ATG4A: variants seen among roughly 807,000 people sequenced by gnomAD.
ATG4A encodes cysteine protease ATG4A.
In ATG4A, 22 loss-of-function variants were observed where a neutral mutation model predicts 38.4. The observed-to-expected ratio is 0.57, with a 90% confidence interval of 0.41 to 0.82. ATG4A has a LOEUF of 0.82. ATG4A is among the 40% of genes least tolerant of loss of function. The pLI, the probability that ATG4A is intolerant of heterozygous loss-of-function variation, is 0.00. For synonymous variants in ATG4A, 86 were observed against 100.7 expected (o/e 0.85, Z 0.88); for missense variants, 220 against 290.0 (o/e 0.76, Z 1.75).
At chrX:108,121,748 G>A (rs2032656436) in intron 1 of ATG4A, among the ~76,000 whole-genome samples, 2 of 111,834 alleles carry the variant, frequency 1.8e-5, no homozygotes, top group African/African-American at 6.5e-5. Context: ...TCTGTTAGTT[G>A]TTTCCAGACC....
rs187299572 is a variant in ATG4A at position 108,103,172 on chromosome X, C to G, written c.10+11336C>G. Among the ~76,000 whole-genome samples, 438 of 111,811 alleles carry G rather than the reference C, an allele frequency of 3.9e-3. 2 individuals are homozygous for G. Among genetic ancestry groups the G allele is most frequent in the African/African-American group, 0.013 (410 of 30,747 alleles). On this transcript the variant is annotated intron_variant, in intron 1 of 12. Coordinates refer to ENST00000372232, the MANE Select transcript of ATG4A (RefSeq NM_052936.5). ...CCCTGCAAAGGACATGATCTCTTTC[C>G]TTTTTATGGCTGCACAGTATTGCAT... is the stretch of plus-strand genomic sequence containing the variant.
intron 1 of ATG4A, among the ~76,000 whole-genome samples, chrX:108,100,977 CTTCT>C (rs1232711420): frequency 9.0e-6 from 1 of 110,936 alleles, no homozygotes; most frequent in Non-Finnish European, 1.9e-5. Flanking sequence ...AGTGTTAATT[CTTCT>C]TTAAGTATTT....
intron 9 of ATG4A, among the ~76,000 whole-genome samples, chrX:108,140,836 T>C (rs2033226148): frequency 1.0e-5 from 1 of 97,331 alleles, no homozygotes; most frequent in African/African-American, 3.7e-5. Context: ...TACATATACA[T>C]ACACAAAGTA....
At chrX:108,137,244 C>G in intron 7 of ATG4A, 74 bp downstream of exon 7, 2 of 916,566 alleles carry the variant, frequency 2.2e-6, no homozygotes, top group Non-Finnish European at 3.1e-6. Context: ...TATTCTGGGG[C>G]TCAAGAGAGT....
intron 1 of ATG4A, among the ~76,000 whole-genome samples, chrX:108,093,427 C>T (rs2031700903): frequency 8.9e-6 from 1 of 111,744 alleles, no homozygotes; most frequent in African/African-American, 3.3e-5. Flanking sequence ...AATAGTATTC[C>T]ATTTTATGGA....
At position 108,110,305 on chromosome X, in the gene ATG4A, G is replaced by A. The variant is rs759168548; in HGVS notation, c.11-15772G>A. On this transcript the variant is annotated intron_variant, in intron 1 of 12. Coordinates refer to ENST00000372232, the MANE Select transcript of ATG4A (RefSeq NM_052936.5). ...GGATCCCTTAAGCCCAGAAAGAGGA[G>A]GGTGCAGTGAACCGAGATTGTGCCA... is the stretch of plus-strand genomic sequence containing the variant. 1.0e-4 allele frequency among the ~76,000 whole-genome samples: 11 copies of A among 108,449 alleles called. No individual in the cohort carries two copies. The South Asian group carries it at 4.6e-3, about 45-fold the overall frequency. The allele number at this position is 108,449 out of a possible 115,157, so 94.2% of individuals were successfully genotyped here.
At chrX:108,102,591 G>A (rs754377331) in intron 1 of ATG4A, among the ~76,000 whole-genome samples, 2 of 111,341 alleles carry the variant, frequency 1.8e-5, no homozygotes, top group Admixed American at 9.6e-5. Flanking sequence ...TATACTTTTG[G>A]TGTCATATAC....
At chrX:108,145,426 A>G (rs1280328112) in intron 9 of ATG4A, among the ~76,000 whole-genome samples, 1 of 112,925 alleles carries the variant, frequency 8.9e-6, no homozygotes, top group Admixed American at 9.3e-5. Context: ...TTGCCAAGTC[A>G]ATAGCTGCAT....
chrX:108,134,471 A>T lies in ATG4A; in HGVS notation c.467+60A>T, dbSNP rs2033045726. The T allele has an allele frequency of 4.8e-6, 5 of 1,049,743 alleles. No individual in the cohort carries two copies. The South Asian group carries it at 1.0e-4, about 22-fold the overall frequency. 86.5% of individuals were successfully genotyped at this position (1,049,743 alleles called of 1,213,427 possible). ...CTGTCTCCTATGCTTCCCTCCCTAG[A>T]CAACTAAACCTCCCATCAACCGAGG... On this transcript the variant is annotated intron_variant, in intron 6 of 12. Coordinates refer to ENST00000372232, the MANE Select transcript of ATG4A (RefSeq NM_052936.5).
intron 1 of ATG4A, among the ~76,000 whole-genome samples, chrX:108,122,933 T>A (rs193135284): frequency 8.9e-6 from 1 of 112,031 alleles, no homozygotes; most frequent in African/African-American, 3.2e-5. Context: ...CCTCAATAGG[T>A]CCTAAGCTCT....
Position 108,140,997 on chromosome X carries a change from T to TAC in ATG4A, c.814+2808_814+2809dup, listed in dbSNP as rs1485265639. On this transcript the variant is annotated intron_variant, in intron 9 of 12. Transcript: ENST00000372232. ...ATACACATATATATACGTATATATATACATATATATACGTATATATACACA... is the reference window on the plus strand; with the variant it reads ...ATACACATATATATACGTATATATATACACATATATATACGTATATATACACA... Among the ~76,000 whole-genome samples, 73 of 82,324 alleles carry TAC rather than the reference T, an allele frequency of 8.9e-4. 1 individual carries two copies. The highest frequency in any genetic ancestry group is 9.8e-4 in the Non-Finnish European group (45 of 45,773). 71.5% of individuals were successfully genotyped at this position (82,324 alleles called of 115,157 possible).
chrX:108,146,752 T>G (rs2033433091), intron 9 of ATG4A, among the ~76,000 whole-genome samples: 1 of 111,864 alleles, frequency 8.9e-6, no homozygotes, highest in African/African-American at 3.2e-5. Flanking sequence ...TTTGGATCCC[T>G]TCCTCTACAT....
At chrX:108,145,454 G>A (rs186237818) in intron 9 of ATG4A, among the ~76,000 whole-genome samples, 1 of 112,728 alleles carries the variant, frequency 8.9e-6, no homozygotes, top group East Asian at 2.8e-4. Flanking sequence ...ACCAGGAGAT[G>A]TGTTAATTTG....
rs780739780 is a variant in ATG4A at position 108,123,923 on chromosome X, C to T, written c.11-2154C>T. Among the ~76,000 whole-genome samples, 21 of 112,714 alleles carry T rather than the reference C, an allele frequency of 1.9e-4. No homozygotes were observed. In the South Asian group the frequency reaches 7.4e-3, roughly 40 times the overall value. On this transcript the variant is annotated intron_variant, in intron 1 of 12. Transcript: ENST00000372232. ...AAGGCTTATATGCATACATGCTGTA[C>T]ATTCATCCAATGCCATCCATCCTCA... is the stretch of plus-strand genomic sequence containing the variant.
At chrX:108,153,227 G>C in intron 12 of ATG4A, 140 bp downstream of exon 12, 1 of 446,526 alleles carries the variant, frequency 2.2e-6, no homozygotes, top group Middle Eastern at 5.4e-4. Context: ...GGCACTTCTG[G>C]TTATTTTAAT....
upstream of ATG4A, among the ~76,000 whole-genome samples, chrX:108,091,045 C>T (rs1223532649): frequency 8.8e-6 from 1 of 113,093 alleles, no homozygotes; most frequent in Non-Finnish European, 1.9e-5. Flanking sequence ...CTGCCTGGCA[C>T]GGAAGGGGCG....
chrX:108,089,206 AT>A (rs1200857248), upstream of ATG4A, among the ~76,000 whole-genome samples: 8 of 112,376 alleles, frequency 7.1e-5, no homozygotes, highest in Non-Finnish European at 1.5e-4. Context: ...CATGTATAGT[AT>A]CATTTAATTC....
At chrX:108,106,616 C>G (rs1232855021) in intron 1 of ATG4A, among the ~76,000 whole-genome samples, 1 of 111,528 alleles carries the variant, frequency 9.0e-6, no homozygotes, top group African/African-American at 3.3e-5. Context: ...GTTTCTTCAC[C>G]TGAGACTGTC....
At chrX:108,136,583 T>A (rs2033112685) in intron 6 of ATG4A, among the ~76,000 whole-genome samples, 1 of 111,443 alleles carries the variant, frequency 9.0e-6, no homozygotes, top group African/African-American at 3.3e-5. Flanking sequence ...CTCTCTCTCT[T>A]TCCCCTCCAC....
Sources: allele counts gnomAD v4.1 joint callset (sites outside exome capture counted in the v4.1 genomes callset), GRCh38; gene constraint gnomAD v4.1.1; transcripts MANE v1.5; gene names NCBI Gene and HGNC (gene_info 2026-07-23, HGNC 2026-07-21).